Variants in MMP10 observed in about 807,000 individuals in gnomAD.
MMP10 encodes the protein stromelysin-2.
MMP10 carries 50 observed loss-of-function variants against 49.1 expected under a neutral mutation model. The ratio of observed to expected loss-of-function variants is 1.02; its 90% CI spans 0.81 to 1.29. The LOEUF (loss-of-function observed/expected upper bound fraction) is 1.29, where lower values mean the gene tolerates loss of function less well. Among genes scored for constraint, MMP10 ranks in the 50% most tolerant of loss-of-function variants. The pLI is 0.00. For missense variants in MMP10, 613 were observed against 563.8 expected, an observed-to-expected ratio of 1.09 and a Z score of -0.88; for synonymous variants, 229 against 201.6, an observed-to-expected ratio of 1.14 and a Z score of -1.15.
intron 4 of MMP10, among the ~76,000 whole-genome samples, chr11:102,777,722 TTAG>T (rs1439473090): frequency 6.6e-6 from 1 of 152,152 alleles, no homozygotes; most frequent in East Asian, 1.9e-4. Flanking sequence ...TTTATTGAAT[TTAG>T]TAGTAGATAT....
Position 102,770,569 on chromosome 11 carries a change from C to G in MMP10, c.*224G>C. 2.4e-6 allele frequency: 1 copy of G among 417,612 alleles called. No individual in the cohort carries two copies. The highest frequency in any genetic ancestry group is 3.7e-5 in the East Asian group (1 of 26,872). 25.9% of individuals were successfully genotyped at this position (417,612 alleles called of 1,614,324 possible). ...TAACACATCTATGAAAATACATTCT[C>G]TCACCTATTGCACATGAGTATTTCT... On this transcript the variant is annotated 3_prime_UTR_variant, in exon 10 of 10. Coordinates refer to ENST00000279441, the MANE Select transcript of MMP10 (RefSeq NM_002425.3).
chr11:102,771,753 G>C (rs149192437), intron 9 of MMP10, among the ~76,000 whole-genome samples: 1 of 151,798 alleles, frequency 6.6e-6, no homozygotes, highest in African/African-American at 2.4e-5. Context: ...TCTGTGTGAG[G>C]AAGTATCCTT....
intron 4 of MMP10, among the ~76,000 whole-genome samples, chr11:102,778,059 C>T (rs966442904): frequency 6.6e-6 from 1 of 152,148 alleles, no homozygotes; most frequent in Non-Finnish European, 1.5e-5. Flanking sequence ...AAATAGCATA[C>T]AGTTAATTTT....
intron 5 of MMP10, 26 bp from the exon 6 acceptor site, chr11:102,776,450 A>T (rs1857735503): frequency 6.2e-7 from 1 of 1,604,904 alleles, no homozygotes; most frequent in African/African-American, 1.3e-5. Context: ...TTGGGGATGC[A>T]AACATTAAAA....
chr11:102,774,871 A>G (rs1176939486), intron 7 of MMP10, among the ~76,000 whole-genome samples: 1 of 152,236 alleles, frequency 6.6e-6, no homozygotes, highest in African/African-American at 2.4e-5. Flanking sequence ...TTCCTCTGCC[A>G]TATAAATTGT....
Position 102,779,254 on chromosome 11 carries a change from T to A in MMP10, c.455A>T (p.Tyr152Phe). ...EVTPLTFSRL[Y>F]EGEADIMISF... ...GATCATTATATCAGCCTCTCCTTCA[T>A]ACAGCCTGGAGAATGTGAGTGGAGT... is the stretch of plus-strand genomic sequence containing the variant. Residue 152 changes from tyrosine (Y) to phenylalanine (F), a missense_variant, in exon 3 of 10, where the codon TAT becomes TTT. Physicochemically the swap from Tyr to Phe is conservative, Grantham distance 22 (BLOSUM62 3). Transcript: ENST00000279441. The A allele has an allele frequency of 6.2e-7, 1 of 1,614,020 alleles. No individual in the cohort carries two copies.
rs762985690 is a variant in MMP10 at position 102,770,556 on chromosome 11, GA to G, written c.*236del. 5.0e-6 allele frequency: 2 copies of G among 401,684 alleles called. No individual in the cohort carries two copies. The highest frequency in any genetic ancestry group is 8.8e-6 in the Non-Finnish European group (2 of 227,788). The allele number at this position is 401,684 out of a possible 1,614,324, so 24.9% of individuals were successfully genotyped here. ...ATTGAGGAAGTAATAACACATCTATGAAAATACATTCTCTCACCTATTGCAC... is the reference window on the plus strand; with the variant it reads ...ATTGAGGAAGTAATAACACATCTATGAAATACATTCTCTCACCTATTGCAC... On this transcript the variant is annotated 3_prime_UTR_variant, in exon 10 of 10. Transcript: ENST00000279441.
Position 102,773,099 on chromosome 11 carries a change from T to C in MMP10, c.1067-93A>G, listed in dbSNP as rs1046035505. On this transcript the variant is annotated intron_variant, in intron 7 of 9. Transcript: ENST00000279441. ...TGTTGTGGTAAAGAGGAAGGCTTGG[T>C]TTTAATTCCAACCTAATAATGTCCA... is the stretch of plus-strand genomic sequence containing the variant. 26 of 1,225,508 alleles carry C rather than the reference T, an allele frequency of 2.1e-5. No homozygotes were observed. The African/African-American group carries it at 3.7e-4, about 17-fold the overall frequency. 75.9% of individuals were successfully genotyped at this position (1,225,508 alleles called of 1,614,324 possible).
At chr11:102,778,300 C>A (rs767428024) in intron 4 of MMP10, among the ~76,000 whole-genome samples, 34 of 152,118 alleles carry the variant, frequency 2.2e-4, no homozygotes, top group Admixed American at 5.9e-4. Flanking sequence ...GGAATTCATT[C>A]TATCCTAATC....
intron 1 of MMP10, among the ~76,000 whole-genome samples, chr11:102,779,990 A>G (rs1487789378): frequency 6.6e-6 from 1 of 152,182 alleles, no homozygotes. Context: ...TTAGTTTTTA[A>G]AGAAACCCTC....
chr11:102,770,978 A>G, intron 9 of MMP10, 85 bp from the exon 10 acceptor site: 5 of 865,678 alleles, frequency 5.8e-6, no homozygotes, highest in Admixed American at 2.2e-5. Context: ...GTACAAGTTA[A>G]TAATGGAGGG....
intron 4 of MMP10, among the ~76,000 whole-genome samples, chr11:102,778,274 T>C (rs1169260597): frequency 6.6e-6 from 1 of 152,146 alleles, no homozygotes; most frequent in Non-Finnish European, 1.5e-5. Flanking sequence ...AATGTTAGGA[T>C]TGGAACTGGT....
In MMP10 at chr11:102,772,266, A is replaced by T. The variant is rs1861983074; in HGVS notation, c.1227-151T>A. ...GTTAAACATTTTTAGAGCTACAAGA[A>T]TAGGTTACTTTCCTGGGCTTACAAG... On this transcript the variant is annotated intron_variant, in intron 8 of 9. Transcript: ENST00000279441. This position sits in a 1 kb window ranked among gnomAD's most constrained non-coding sequence, Gnocchi z 4.4. 1.8e-6 allele frequency: 1 copy of T among 564,172 alleles called. No homozygotes were observed. The allele number at this position is 564,172 out of a possible 1,614,324, so 34.9% of individuals were successfully genotyped here. A position where few individuals can be genotyped will look rare whatever the true frequency, so the allele number is the denominator to read the frequency against.
rs937539893 is a variant in MMP10 at position 102,776,837 on chromosome 11, A to G, written c.623-61T>C. The G allele has an allele frequency of 2.5e-6, 4 of 1,595,324 alleles. No individual in the cohort carries two copies. In the African/African-American group the frequency reaches 5.4e-5, roughly 21 times the overall value. On this transcript the variant is annotated intron_variant, in intron 4 of 9. Transcript: ENST00000279441. ...CTCTTTCTTCCATAAATACACATAC[A>G]GAACATATGCCAGCTGTACAGGCCA...
rs1198787840 is a variant in MMP10 at position 102,770,856 on chromosome 11, C to T, written c.1368G>A (p.Glu456=). ...TCACCATCCTGGCATTGGGGTCAAA[C>T]TCAAACTGTGATGATCCACTGAAGA... ...FYFFSGSSQF[E]FDPNARMVTH... The change falls in exon 10 of 10, where the codon GAG becomes GAA. Residue 456 remains glutamate (E), a synonymous_variant. Coordinates refer to ENST00000279441, the MANE Select transcript of MMP10 (RefSeq NM_002425.3). 2 of 1,612,994 alleles carry T rather than the reference C, an allele frequency of 1.2e-6. No homozygotes were observed. Among genetic ancestry groups the T allele is most frequent in the African/African-American group, 2.7e-5 (2 of 75,006 alleles).
rs755161261 is a variant in MMP10, at chr11:102,772,119, A to G, written c.1227-4T>C. ...GGACTGGCTATTTTCATCAAATCTA[A>G]ACCAAATGAAAGAAATACAGTTCAA... On this transcript the variant is annotated splice_region_variant and splice_polypyrimidine_tract_variant and intron_variant, in intron 8 of 9. Coordinates refer to ENST00000279441, the MANE Select transcript of MMP10 (RefSeq NM_002425.3). This position sits in a 1 kb window ranked among gnomAD's most constrained non-coding sequence, Gnocchi z 4.4. The G allele has an allele frequency of 6.4e-7, 1 of 1,558,810 alleles. No homozygotes were observed. Among genetic ancestry groups the G allele is most frequent in the South Asian group, 1.1e-5 (1 of 89,760 alleles).
chr11:102,773,329 T>C (rs981410967), intron 7 of MMP10, among the ~76,000 whole-genome samples: 4 of 152,236 alleles, frequency 2.6e-5, no homozygotes, highest in African/African-American at 9.6e-5. Flanking sequence ...TAGACCTCTC[T>C]CTCTTAAGTT....
Position 102,778,631 on chromosome 11 carries a change from A to C in MMP10, c.615T>G (p.Asp205Glu). ...GAGAGGTTTACGACCCACCTGATGCATCTTCTGTCCATTTTTCATCATCAT... is the reference window on the plus strand; with the variant it reads ...GAGAGGTTTACGACCCACCTGATGCCTCTTCTGTCCATTTTTCATCATCAT... ...HFDDDEKWTE[D>E]ASGTNLFLVA... Residue 205 changes from aspartate to glutamate, a missense_variant, in exon 4 of 10, where the codon GAT becomes GAG. Transcript: ENST00000279441. The C allele has an allele frequency of 6.2e-7, 1 of 1,613,920 alleles. No homozygotes were observed. The highest frequency in any genetic ancestry group is 1.3e-5 in the African/African-American group (1 of 75,004).
chr11:102,770,733 T>G lies in MMP10; in HGVS notation c.*60A>C. ...ATTAACCATTTTGGCTCATAATACA[T>G]TAGATGAATAATTATTAGATTTATT... On this transcript the variant is annotated 3_prime_UTR_variant, in exon 10 of 10. Coordinates refer to ENST00000279441, the MANE Select transcript of MMP10 (RefSeq NM_002425.3). The G allele has an allele frequency of 6.1e-6, 7 of 1,140,200 alleles. No homozygotes were observed. Among genetic ancestry groups the G allele is most frequent in the Non-Finnish European group, 8.9e-6 (7 of 784,648 alleles). The allele number at this position is 1,140,200 out of a possible 1,614,324, so 70.6% of individuals were successfully genotyped here. A position where few individuals can be genotyped will look rare whatever the true frequency, so the allele number is the denominator to read the frequency against.
Sources: gnomAD v4.1 joint callset for allele counts (sites outside exome capture counted in the v4.1 genomes callset) on GRCh38, gnomAD v4.1.1 for gene constraint, Gnocchi (gnomAD v3.1) non-coding constraint, MANE v1.5 for transcripts, NCBI Gene and HGNC (gene_info 2026-07-23, HGNC 2026-07-21) for gene names.